The following WDFY3 variants were observed in gnomAD, a reference collection of about 807,000 sequenced individuals.
WDFY3 encodes the protein WD repeat and FYVE domain containing 3, also known as WD repeat and FYVE domain-containing protein 3.
In WDFY3, 66 loss-of-function variants were observed where a neutral mutation model predicts 409.6. That is an observed-to-expected ratio of 0.16 (90% CI 0.13 to 0.20). The LOEUF (loss-of-function observed/expected upper bound fraction) is 0.20, where lower values mean the gene tolerates loss of function less well. Ranked by LOEUF, WDFY3 falls within the 10% of genes least tolerant of loss-of-function variation. The pLI is 1.00. For missense variants in WDFY3, 3,031 were observed against 4,298.1 expected, an observed-to-expected ratio of 0.71 and a Z score of 8.24; for synonymous variants, 1,521 against 1,537.1, an observed-to-expected ratio of 0.99 and a Z score of 0.25.
rs780557189 is a variant in WDFY3, at chr4:84,733,590, T to C, written c.7013A>G (p.Lys2338Arg). 2.5e-6 allele frequency: 4 copies of C among 1,612,080 alleles called. No homozygotes were observed. The highest frequency in any genetic ancestry group is 3.4e-6 in the Non-Finnish European group (4 of 1,179,010). Residue 2338 changes from lysine (K) to arginine (R), a missense_variant, in exon 44 of 68, where the codon AAG becomes AGG. Transcript: ENST00000295888. ...CTGACACCACTCTTCTGTCACGTAC[T>C]TCAGGGCATTCTGCTGACGCTGACA... ...EYQERQQNAL[K>R]YVTEEWCQIE...
At position 84,966,604 on chromosome 4, in the gene WDFY3, A is replaced by G. The variant is rs1351169926; in HGVS notation, c.-621T>C. 3.3e-5 allele frequency among the ~76,000 whole-genome samples: 5 copies of G among 151,836 alleles called. No homozygotes were observed. The highest frequency in any genetic ancestry group is 3.3e-4 in the Admixed American group (5 of 15,268). ...CCCGCAGGGACCATCCCGGAAAGTG[A>G]GGGGTTGTTGCCGTTTCCCGCAGCT... On this transcript the variant is annotated 5_prime_UTR_variant, in exon 1 of 68. Transcript: ENST00000295888.
intron 2 of WDFY3, among the ~76,000 whole-genome samples, chr4:84,924,869 T>C (rs547640139): frequency 2.0e-5 from 3 of 152,304 alleles, no homozygotes; most frequent in South Asian, 2.1e-4. Context: ...CATAAAGATA[T>C]AGCCAAAGTG....
At chr4:84,788,321 T>C (rs1747892256) in intron 22 of WDFY3, among the ~76,000 whole-genome samples, 1 of 152,164 alleles carries the variant, frequency 6.6e-6, no homozygotes, top group Non-Finnish European at 1.5e-5. Flanking sequence ...ACAGCAGTTC[T>C]TGGTGATGTT....
chr4:84,868,120 C>T (rs370771829), intron 3 of WDFY3, among the ~76,000 whole-genome samples: 3 of 124,956 alleles, frequency 2.4e-5, no homozygotes, highest in African/African-American at 6.2e-5. Flanking sequence ...TTAAGTGAGC[C>T]GAGATCATGC....
intron 1 of WDFY3, among the ~76,000 whole-genome samples, chr4:84,939,641 T>C (rs1172365454): frequency 6.6e-6 from 1 of 152,184 alleles, no homozygotes; most frequent in Non-Finnish European, 1.5e-5. Context: ...TCATAATTTA[T>C]TATTATACTT....
chr4:84,747,260 G>A (rs1022303994), intron 36 of WDFY3, among the ~76,000 whole-genome samples: 2 of 152,188 alleles, frequency 1.3e-5, no homozygotes, highest in African/African-American at 4.8e-5. Flanking sequence ...CCCATGGGTA[G>A]ACAGCACAGT....
chr4:84,939,723 T>A (rs1341607126), intron 1 of WDFY3, among the ~76,000 whole-genome samples: 2 of 147,420 alleles, frequency 1.4e-5, no homozygotes, highest in Admixed American at 6.8e-5. Context: ...TGTTCTTATT[T>A]AAAAAAAAAA....
chr4:84,868,332 G>A, intron 3 of WDFY3, among the ~76,000 whole-genome samples: 1 of 151,826 alleles, frequency 6.6e-6, no homozygotes, highest in East Asian at 1.9e-4. Context: ...AAAACTCTGA[G>A]ATGATCCCAA....
At chr4:84,890,762 G>C (rs1345513922) in intron 3 of WDFY3, among the ~76,000 whole-genome samples, 2 of 152,206 alleles carry the variant, frequency 1.3e-5, no homozygotes, top group Non-Finnish European at 2.9e-5. Flanking sequence ...TAATAGGTAA[G>C]TGAGCATGTA....
chr4:84,808,319 T>G lies in WDFY3; in HGVS notation c.2429+15A>C, dbSNP rs767098635. On this transcript the variant is annotated intron_variant, in intron 15 of 67. Coordinates refer to ENST00000295888, the MANE Select transcript of WDFY3 (RefSeq NM_014991.6). ...CCACACAAATAGAGACTGACTTCTC[T>G]TATATGATCAGTACCTTTTCCTGGA... is the stretch of plus-strand genomic sequence containing the variant. The G allele has an allele frequency of 5.4e-5, 86 of 1,606,028 alleles. 1 individual carries two copies. The South Asian group carries it at 9.2e-4, about 17-fold the overall frequency.
chr4:84,893,459 T>C (rs1213157917), intron 3 of WDFY3, among the ~76,000 whole-genome samples: 1 of 152,236 alleles, frequency 6.6e-6, no homozygotes, highest in Non-Finnish European at 1.5e-5. Context: ...CCCTATTCTT[T>C]ATTCTTTTTG....
chr4:84,935,401 T>G (rs971431823), intron 1 of WDFY3, among the ~76,000 whole-genome samples: 1 of 152,198 alleles, frequency 6.6e-6, no homozygotes, highest in South Asian at 2.1e-4. Flanking sequence ...TTTTTAATGC[T>G]GGGTATAGAA....
At chr4:84,893,329 A>G (rs7689857) in intron 3 of WDFY3, among the ~76,000 whole-genome samples, 149,402 of 152,336 alleles carry the variant, frequency 0.98, 73,340 homozygotes, top group East Asian at 1. Context: ...TTTAAAATCT[A>G]TAGATATTTG....
intron 1 of WDFY3, among the ~76,000 whole-genome samples, chr4:84,947,279 G>A (rs147641122): frequency 0.066 from 9,879 of 148,648 alleles, 445 homozygotes; most frequent in Admixed American, 0.12. Context: ...TTGGGAAGCC[G>A]AGGCGGGCGG....
intron 5 of WDFY3, among the ~76,000 whole-genome samples, chr4:84,846,897 G>A (rs1758140456): frequency 6.6e-6 from 1 of 151,926 alleles, no homozygotes; most frequent in Non-Finnish European, 1.5e-5. Context: ...TCAGGAATTG[G>A]TGGCACAATG....
intron 3 of WDFY3, among the ~76,000 whole-genome samples, chr4:84,862,212 G>A (rs532661295): frequency 1.6e-4 from 25 of 152,312 alleles, no homozygotes; most frequent in Admixed American, 1.1e-3. Flanking sequence ...AGGAGGACAC[G>A]ATGTAACTCA....
chr4:84,888,255 T>C (rs1764482291), intron 3 of WDFY3, among the ~76,000 whole-genome samples: 1 of 152,196 alleles, frequency 6.6e-6, no homozygotes, highest in Non-Finnish European at 1.5e-5. Context: ...AAAACTATTG[T>C]TGAGGTAGTC....
At chr4:84,882,089 A>G (rs1482354091) in intron 3 of WDFY3, among the ~76,000 whole-genome samples, 1 of 152,116 alleles carries the variant, frequency 6.6e-6, no homozygotes, top group Non-Finnish European at 1.5e-5. Flanking sequence ...CTCTGTAAGA[A>G]TGCCTGTTAT....
In WDFY3 at chr4:84,918,356, G is replaced by A. The variant is rs1768786046; in HGVS notation, c.-132+13914C>T. Among the ~76,000 whole-genome samples the A allele has an allele frequency of 2.0e-5, 3 of 152,088 alleles. No homozygotes were observed. In the South Asian group the frequency reaches 6.2e-4, roughly 32 times the overall value. On this transcript the variant is annotated intron_variant, in intron 2 of 67. Transcript: ENST00000295888. ...GTGTACATACACACAAAAGAATGAT[G>A]ACGACCTCTATGAACTGATATGGAA...
Sources: allele counts gnomAD v4.1 joint callset (sites outside exome capture counted in the v4.1 genomes callset), GRCh38; gene constraint gnomAD v4.1.1; transcripts MANE v1.5; gene names NCBI Gene and HGNC (gene_info 2026-07-23, HGNC 2026-07-21).